The following IGFL2 variants were observed in gnomAD, a reference collection of about 807,000 sequenced individuals.
IGFL2 encodes the protein IGF like family member 2.
In IGFL2, 7 loss-of-function variants were observed where a neutral mutation model predicts 13.9. The ratio of observed to expected loss-of-function variants is 0.51; its 90% CI spans 0.29 to 0.95. The LOEUF is 0.95. IGFL2 is among the 40% of genes least tolerant of loss of function. IGFL2 has a pLI of 0.08. For missense variants in IGFL2, 138 were observed against 147.8 expected (o/e 0.93, Z 0.34); for synonymous variants, 55 against 55.8 (o/e 0.99, Z 0.07).
chr19:46,111,845 A>G, the IGFL2 span: 1 of 152,242 alleles, frequency 6.6e-6, no homozygotes, highest in African/African-American at 2.4e-5. Flanking sequence ...TTGCCATTAG[A>G]AAAATCTATT....
At chr19:46,147,384 C>G (rs928387418), upstream of IGFL2, among the ~76,000 whole-genome samples, 1 of 152,184 alleles carries the variant, frequency 6.6e-6, no homozygotes, top group Non-Finnish European at 1.5e-5. Flanking sequence ...CTCTCCCAAA[C>G]CAGAGTTTAG....
At chr19:46,088,877 C>A in the IGFL2 span, among the ~76,000 whole-genome samples, 1 of 151,972 alleles carries the variant, frequency 6.6e-6, no homozygotes, top group Non-Finnish European at 1.5e-5. Context: ...CAAGGATGTC[C>A]CAGACAGAGG....
intron 1 of IGFL2, 59 bp from the exon 2 acceptor site, chr19:46,160,356 G>T: frequency 6.6e-7 from 1 of 1,519,610 alleles, no homozygotes; most frequent in African/African-American, 1.4e-5. Flanking sequence ...CCCTCCCTGA[G>T]ATCAACCTAG....
the IGFL2 span, among the ~76,000 whole-genome samples, chr19:46,101,477 C>T: frequency 6.6e-6 from 1 of 152,122 alleles, no homozygotes; most frequent in South Asian, 2.1e-4. Flanking sequence ...GGGTCAGGGT[C>T]CAGCCTAAAG....
chr19:46,124,526 G>A, the IGFL2 span: 1 of 1,280,518 alleles, frequency 7.8e-7, no homozygotes, highest in South Asian at 1.2e-5. Context: ...ACAGGAGGCT[G>A]GAATAATGTT....
the IGFL2 span, chr19:46,136,871 A>G: frequency 1.3e-6 from 1 of 754,810 alleles, no homozygotes; most frequent in Non-Finnish European, 2.4e-6. Context: ...TGTTGAAAAG[A>G]CTACTCTGTG....
Position 46,160,717 on chromosome 19 carries a change from C to T in IGFL2, c.177C>T (p.Ser59=). 6.2e-7 allele frequency: 1 copy of T among 1,614,048 alleles called. No homozygotes were observed. The highest frequency in any genetic ancestry group is 2.2e-5 in the East Asian group (1 of 44,866). The stretch of plus-strand genomic sequence containing the variant: ...GCTGTTACAATGACGCCATCGTGTC[C>T]CTGAGCGAGACCCGCCAATGTGGTC... The part of the protein sequence containing the change: ...EQCCYNDAIV[S]LSETRQCGPP... The change falls in exon 3 of 4, where the codon TCC becomes TCT. Residue 59 remains serine, a synonymous_variant. Transcript: ENST00000377693.
the IGFL2 span, chr19:46,197,241 G>A: frequency 5.0e-6 from 1 of 198,718 alleles, no homozygotes; most frequent in South Asian, 9.5e-5. Flanking sequence ...TGAAAGGCCA[G>A]AAGTGCTCCT....
At chr19:46,156,583 A>G (rs1312010946) in intron 1 of IGFL2, among the ~76,000 whole-genome samples, 13 of 152,238 alleles carry the variant, frequency 8.5e-5, no homozygotes, top group Admixed American at 7.2e-4. Flanking sequence ...TTTTAAAACT[A>G]TATTTAACTT....
At chr19:46,118,484 A>T in the IGFL2 span, among the ~76,000 whole-genome samples, 1 of 152,190 alleles carries the variant, frequency 6.6e-6, no homozygotes, top group Non-Finnish European at 1.5e-5. Context: ...ACACTCCTAG[A>T]CAGGCTTTTA....
At chr19:46,208,435 G>C in the IGFL2 span, 2 of 152,282 alleles carry the variant, frequency 1.3e-5, no homozygotes, top group Non-Finnish European at 2.9e-5. Context: ...AATGAGGCCA[G>C]GGCTGTCCTG....
chr19:46,159,612 C>T (rs1974027827), intron 1 of IGFL2: 1 of 152,236 alleles, frequency 6.6e-6, no homozygotes, highest in Non-Finnish European at 1.5e-5. Context: ...CCTGCCTGTA[C>T]ATGCTTTCAA....
At chr19:46,139,203 C>T (rs1332927638), upstream of IGFL2, among the ~76,000 whole-genome samples, 1 of 151,612 alleles carries the variant, frequency 6.6e-6, no homozygotes, top group Non-Finnish European at 1.5e-5. Context: ...GCCTGCCTCC[C>T]TCACTCCACT....
chr19:46,195,341 G>A, the IGFL2 span, among the ~76,000 whole-genome samples: 1 of 152,008 alleles, frequency 6.6e-6, no homozygotes, highest in African/African-American at 2.4e-5. Flanking sequence ...AATGACCCTT[G>A]TTATCAATTA....
At chr19:46,124,623 G>T in the IGFL2 span, 1 of 1,608,224 alleles carries the variant, frequency 6.2e-7, no homozygotes, top group South Asian at 1.1e-5. Flanking sequence ...GGTCCTACTT[G>T]CCCAAGATGC....
At chr19:46,200,473 C>CCTTTTTTCTTTTCTTTTCTTTT in the IGFL2 span, among the ~76,000 whole-genome samples, 134 of 134,278 alleles carry the variant, frequency 1.0e-3, no homozygotes, top group African/African-American at 3.3e-3. Context: ...CACACCTGGC[C>CCTTTTTTCTTTTCTTTTCTTTT]CTTTTCTTTT....
chr19:46,158,299 C>T (rs1473765925), intron 1 of IGFL2, among the ~76,000 whole-genome samples: 1 of 152,104 alleles, frequency 6.6e-6, no homozygotes, highest in African/African-American at 2.4e-5. Flanking sequence ...ACCTCCGCCT[C>T]CCGGGTTCAA....
chr19:46,213,402 A>C, the IGFL2 span: 1 of 153,026 alleles, frequency 6.5e-6, no homozygotes, highest in East Asian at 1.9e-4. Context: ...ATGGGATACA[A>C]GGAGTGGCTG....
At chr19:46,185,269 C>G in the IGFL2 span, among the ~76,000 whole-genome samples, 1 of 152,196 alleles carries the variant, frequency 6.6e-6, no homozygotes, top group Non-Finnish European at 1.5e-5. Context: ...CTCTTCTTCT[C>G]TGGGCAGCTG....
Sources: allele counts gnomAD v4.1 joint callset (sites outside exome capture counted in the v4.1 genomes callset), GRCh38; gene constraint gnomAD v4.1.1; transcripts MANE v1.5; gene names NCBI Gene and HGNC (gene_info 2026-07-23, HGNC 2026-07-21).